Variants in MBD6 observed in about 807,000 individuals in gnomAD.
MBD6 encodes the protein methyl-CpG-binding domain protein 6.
Under a neutral mutation model 66.8 loss-of-function variants are expected in MBD6, and 22 were observed. The observed-to-expected ratio is 0.33, with a 90% CI of 0.24 to 0.47. The LOEUF (loss-of-function observed/expected upper bound fraction) is 0.47, where lower values mean the gene tolerates loss of function less well. Ranked by LOEUF, MBD6 falls within the 20% of genes least tolerant of loss-of-function variation. The pLI, the probability that MBD6 is intolerant of heterozygous loss-of-function variation, is 1.00. For synonymous variants in MBD6, 540 were observed against 534.6 expected, an observed-to-expected ratio of 1.01 and a Z score of -0.14; for missense variants, 1,322 against 1,286.9, an observed-to-expected ratio of 1.03 and a Z score of -0.42.
Position 57,525,345 on chromosome 12 carries a change from C to T in MBD6, c.380-3C>T. 6.4e-7 allele frequency: 1 copy of T among 1,562,614 alleles called. No individual in the cohort carries two copies. The highest frequency in any genetic ancestry group is 1.2e-5 in the South Asian group (1 of 81,252). On this transcript the variant is annotated splice_polypyrimidine_tract_variant and splice_region_variant and intron_variant, in intron 5 of 12. Coordinates refer to ENST00000355673, the MANE Select transcript of MBD6 (RefSeq NM_052897.4). ...CTGACCCTTCATTTTTCATTTATTGCAGGAGAGGGAGCGAGCCCCCAAATG... is the reference window on the plus strand; with the variant it reads ...CTGACCCTTCATTTTTCATTTATTGTAGGAGAGGGAGCGAGCCCCCAAATG...
chr12:57,530,386 C>T, downstream of MBD6: 1 of 324,540 alleles, frequency 3.1e-6, no homozygotes, highest in Non-Finnish European at 5.8e-6. Context: ...TGTTGGGGGA[C>T]AAGACCCAAT....
chr12:57,525,861 C>A lies in MBD6; in HGVS notation c.893C>A (p.Pro298His). 1.2e-6 allele frequency: 2 copies of A among 1,613,654 alleles called. No individual in the cohort carries two copies. The highest frequency in any genetic ancestry group is 1.7e-6 in the Non-Finnish European group (2 of 1,179,848). ...PPVSSATMHL[P>H]LVLGPLGGAP... Reference sequence around the variant, plus strand: ...GTGTCTTCAGCCACTATGCACCTGCCCCTGGTCCTGGGGCCCCTGGGAGGG... The same window carrying A: ...GTGTCTTCAGCCACTATGCACCTGCACCTGGTCCTGGGGCCCCTGGGAGGG... Residue 298 changes from proline to histidine, a missense_variant, in exon 6 of 13, where the codon CCC becomes CAC. By Grantham distance (77) the Pro-to-His change is moderately conservative. Coordinates refer to ENST00000355673, the MANE Select transcript of MBD6 (RefSeq NM_052897.4).
At position 57,526,162 on chromosome 12, in the gene MBD6, C is replaced by T. The variant is rs774181367; in HGVS notation, c.1194C>T (p.Pro398=). Residue 398 remains proline (P), a synonymous_variant, in exon 6 of 13, where the codon CCC becomes CCT. Transcript: ENST00000355673. ...RPRAPAPVPQ[P]FSLPEPSQPI... The stretch of plus-strand genomic sequence containing the variant: ...GGGCCCCTGCTCCTGTCCCCCAACC[C>T]TTTTCTCTCCCGGAGCCATCCCAAC... 2.5e-6 allele frequency: 4 copies of T among 1,614,196 alleles called. No individual in the cohort carries two copies. In the East Asian group the frequency reaches 8.9e-5, roughly 36 times the overall value.
chr12:57,529,083 A>AGAGGGAGTGGGGAGAAAAG, intron 12 of MBD6, 74 bp downstream of exon 12: 1 of 1,613,102 alleles, frequency 6.2e-7, no homozygotes. Flanking sequence ...AAGGAGGGTT[A>AGAGGGAGTGGGGAGAAAAG]GAGGGAGTGG....
At position 57,528,387 on chromosome 12, in the gene MBD6, C is replaced by A. The variant is rs369607548; in HGVS notation, c.2647C>A (p.Arg883=). 2 of 1,612,784 alleles carry A rather than the reference C, an allele frequency of 1.2e-6. No individual in the cohort carries two copies. Among genetic ancestry groups the A allele is most frequent in the South Asian group, 2.2e-5 (2 of 91,064 alleles). Residue 883 remains arginine (R), a synonymous_variant, in exon 10 of 13, where the codon CGG becomes AGG. Transcript: ENST00000355673. ...AGCCCGGGGCCGAAAGCCTGGCAGC[C>A]GGCGGGAGCCTGGCCGACTGGCCCT... is the stretch of plus-strand genomic sequence containing the variant. ...RPARGRKPGS[R]REPGRLALKW...
Position 57,524,774 on chromosome 12 carries a change from C to T in MBD6, c.168C>T (p.Ser56=), listed in dbSNP as rs1236165819. Residue 56 remains serine, a synonymous_variant, in exon 4 of 13, where the codon AGC becomes AGT. Coordinates refer to ENST00000355673, the MANE Select transcript of MBD6 (RefSeq NM_052897.4). ...SLEQTRSYLL[S]DGTCKCGLEC... is the part of the protein sequence containing the mutation. ...AGCAAACCCGGAGCTACCTCCTCAGCGATGGGACCTGCAAGTGCGGTCTGG... is the reference window on the plus strand; with the variant it reads ...AGCAAACCCGGAGCTACCTCCTCAGTGATGGGACCTGCAAGTGCGGTCTGG... 2.5e-6 allele frequency: 4 copies of T among 1,614,134 alleles called. No homozygotes were observed. Among genetic ancestry groups the T allele is most frequent in the Non-Finnish European group, 3.4e-6 (4 of 1,180,056 alleles).
chr12:57,527,418 A>G lies in MBD6; in HGVS notation c.2083-89A>G, dbSNP rs1594863778. On this transcript the variant is annotated intron_variant, in intron 7 of 12. Coordinates refer to ENST00000355673, the MANE Select transcript of MBD6 (RefSeq NM_052897.4). ...TAATAAGCATGGCCTATCTCACTTG[A>G]GGCTTCAGTCAGATAGTGGATGTGA... 4.0e-6 allele frequency: 6 copies of G among 1,490,572 alleles called. No homozygotes were observed. The East Asian group carries it at 1.4e-4, about 34-fold the overall frequency. The allele number at this position is 1,490,572 out of a possible 1,614,324, so 92.3% of individuals were successfully genotyped here. A position where few individuals can be genotyped will look rare whatever the true frequency, so the allele number is the denominator to read the frequency against.
Position 57,526,591 on chromosome 12 carries a change from C to T in MBD6, c.1446C>T (p.Ser482=), listed in dbSNP as rs1878980743. The T allele has an allele frequency of 2.6e-6, 4 of 1,511,682 alleles. No individual in the cohort carries two copies. Among genetic ancestry groups the T allele is most frequent in the African/African-American group, 2.8e-5 (2 of 71,542 alleles). 93.6% of individuals were successfully genotyped at this position (1,511,682 alleles called of 1,614,324 possible). A position where few individuals can be genotyped will look rare whatever the true frequency, so the allele number is the denominator to read the frequency against. ...GTGCCCCTGCCCCACCAGCTGCCTC[C>T]AAAGCCCCAGTAGTCCCCAGCCCTG... The part of the protein sequence containing the change: ...VPGAPAPPAA[S]KAPVVPSPVL... Residue 482 remains serine, a synonymous_variant, in exon 7 of 13, where the codon TCC becomes TCT. Coordinates refer to ENST00000355673, the MANE Select transcript of MBD6 (RefSeq NM_052897.4).
At chr12:57,531,007 A>G (rs923548962), downstream of MBD6, among the ~76,000 whole-genome samples, 4 of 152,230 alleles carry the variant, frequency 2.6e-5, no homozygotes, top group Non-Finnish European at 4.4e-5. Context: ...CTTCAGCCAG[A>G]ACAGTTTTTT....
downstream of MBD6, chr12:57,530,156 C>G (rs1260250568): frequency 6.6e-6 from 1 of 152,512 alleles, no homozygotes; most frequent in Non-Finnish European, 1.5e-5. Context: ...CTGGCTCTGG[C>G]TCTGTACTCA....
intron 3 of MBD6, 31 bp from the exon 4 acceptor site, chr12:57,524,689 C>G: frequency 6.2e-7 from 1 of 1,601,950 alleles, no homozygotes. Flanking sequence ...TGCCAGCTAA[C>G]CCCATGTCCT....
chr12:57,530,936 A>G (rs1257078162), downstream of MBD6, among the ~76,000 whole-genome samples: 1 of 152,204 alleles, frequency 6.6e-6, no homozygotes, highest in African/African-American at 2.4e-5. Context: ...CTACCCTTAG[A>G]GTACATAGAC....
Position 57,525,826 on chromosome 12 carries a change from T to C in MBD6, c.858T>C (p.Ser286=), listed in dbSNP as rs1594858970. The change falls in exon 6 of 13, where the codon TCT becomes TCC. Residue 286 remains serine (S), a synonymous_variant. Transcript: ENST00000355673. Reference sequence around the variant, plus strand: ...TCCCCGCCCACCCTGGTCCTGCCTCTCAGCCACCAGTGTCTTCAGCCACTA... The same window carrying C: ...TCCCCGCCCACCCTGGTCCTGCCTCCCAGCCACCAGTGTCTTCAGCCACTA... The part of the protein sequence containing the change: ...NNLPAHPGPA[S]QPPVSSATMH... The C allele has an allele frequency of 1.3e-6, 2 of 1,500,540 alleles. No individual in the cohort carries two copies. The highest frequency in any genetic ancestry group is 5.4e-5 in the East Asian group (2 of 36,926). The allele number at this position is 1,500,540 out of a possible 1,614,324, so 93.0% of individuals were successfully genotyped here. A position where few individuals can be genotyped will look rare whatever the true frequency, so the allele number is the denominator to read the frequency against.
rs370270810 is a variant in MBD6, at chr12:57,528,932, G to A, written c.2874-14G>A. On this transcript the variant is annotated splice_polypyrimidine_tract_variant and intron_variant, in intron 11 of 12. Coordinates refer to ENST00000355673, the MANE Select transcript of MBD6 (RefSeq NM_052897.4). ...TTGGGAGCTGTTCCTGATCATCTGT[G>A]CCCCTTATTGCAGCCCTACCCGGAA... 8.6e-5 allele frequency: 138 copies of A among 1,613,986 alleles called. No homozygotes were observed. The highest frequency in any genetic ancestry group is 1.1e-4 in the Non-Finnish European group (133 of 1,180,020).
intron 5 of MBD6, 94 bp from the exon 6 acceptor site, chr12:57,525,254 A>G: frequency 6.8e-7 from 1 of 1,480,928 alleles, no homozygotes; most frequent in Non-Finnish European, 9.1e-7. Flanking sequence ...GGGCACAGGG[A>G]GGTTGGGAAC....
rs368133035 is a variant in MBD6 at position 57,529,418 on chromosome 12, A to ACCCCCCCCCCCCCCCCCCCCCCCCCC, written c.*193_*194insCCCCCCCCCCCCCCCCCCCCCCCCCC. The ACCCCCCCCCCCCCCCCCCCCCCCCCC allele has an allele frequency of 4.8e-5, 16 of 333,388 alleles. No homozygotes were observed. The highest frequency in any genetic ancestry group is 1.2e-4 in the African/African-American group (4 of 32,404). 20.7% of individuals were successfully genotyped at this position (333,388 alleles called of 1,614,324 possible). ...GCCATTGCAGGGGGCAGGGAAGTTC[A>ACCCCCCCCCCCCCCCCCCCCCCCCCC]CCCCCCCCCACCACCCCCCCGCCCC... On this transcript the variant is annotated 3_prime_UTR_variant, in exon 13 of 13. Transcript: ENST00000355673.
In MBD6 at chr12:57,526,550, C is replaced by G; in HGVS notation, c.1421-16C>G. ...AAAGGGCCTCCCTTGAGCTGAATTT[C>G]TCTCCTCTTTTACAGGTGCCCCTGC... On this transcript the variant is annotated splice_polypyrimidine_tract_variant and intron_variant, in intron 6 of 12. Coordinates refer to ENST00000355673, the MANE Select transcript of MBD6 (RefSeq NM_052897.4). 2 of 1,511,398 alleles carry G rather than the reference C, an allele frequency of 1.3e-6. No homozygotes were observed. The highest frequency in any genetic ancestry group is 1.8e-6 in the Non-Finnish European group (2 of 1,131,368). The allele number at this position is 1,511,398 out of a possible 1,614,324, so 93.6% of individuals were successfully genotyped here.
Position 57,525,562 on chromosome 12 carries a change from T to C in MBD6, c.594T>C (p.Ser198=), listed in dbSNP as rs907195350. The change falls in exon 6 of 13, where the codon AGT becomes AGC. Residue 198 remains serine (S), a synonymous_variant. Coordinates refer to ENST00000355673, the MANE Select transcript of MBD6 (RefSeq NM_052897.4). Reference sequence around the variant, plus strand: ...CTGACCCAGTCCCTTCTGGGGGCAGTAGCAGCCCCCGTTTCCTCCCAAGGG... The same window carrying C: ...CTGACCCAGTCCCTTCTGGGGGCAGCAGCAGCCCCCGTTTCCTCCCAAGGG... ...RLADPVPSGG[S]SSPRFLPRGN... The C allele has an allele frequency of 1.2e-6, 2 of 1,608,462 alleles. No individual in the cohort carries two copies. Among genetic ancestry groups the C allele is most frequent in the Non-Finnish European group, 8.5e-7 (1 of 1,176,950 alleles).
intron 7 of MBD6, 124 bp downstream of exon 7, chr12:57,527,351 C>T (rs1720794925): frequency 4.3e-6 from 5 of 1,159,486 alleles, no homozygotes; most frequent in South Asian, 3.0e-5. Flanking sequence ...GGCCTTAGTT[C>T]TTGGCTGGGG....
Sources: allele counts gnomAD v4.1 joint callset (sites outside exome capture counted in the v4.1 genomes callset), GRCh38; gene constraint gnomAD v4.1.1; transcripts MANE v1.5; gene names NCBI Gene and HGNC (gene_info 2026-07-23, HGNC 2026-07-21).